The following SLC9D1 variants were observed in gnomAD, a reference collection of about 807,000 sequenced individuals.
The protein encoded by SLC9D1 is solute carrier family 9 member D1.
At chr13:113,521,787 G>T in the SLC9D1 span, among the ~76,000 whole-genome samples, 1 of 152,154 alleles carries the variant, frequency 6.6e-6, no homozygotes, top group African/African-American at 2.4e-5. Context: ...CAGAAAATAA[G>T]GACAGTTGCA....
the SLC9D1 span, among the ~76,000 whole-genome samples, chr13:113,506,906 C>T: frequency 7.2e-5 from 11 of 152,122 alleles, no homozygotes; most frequent in African/African-American, 2.4e-4. Context: ...GGTTTGCACC[C>T]GGTTCTGAAG....
At chr13:113,547,670 C>T in the SLC9D1 span, among the ~76,000 whole-genome samples, 1 of 152,232 alleles carries the variant, frequency 6.6e-6, no homozygotes, top group African/African-American at 2.4e-5. Flanking sequence ...GCCCGTCCTC[C>T]TCTGACAGAT....
At chr13:113,495,935 G>A in the SLC9D1 span, 1 of 1,614,090 alleles carries the variant, frequency 6.2e-7, no homozygotes, top group Non-Finnish European at 8.5e-7. Context: ...ACGGACTGCA[G>A]AGAGCCCTGC....
the SLC9D1 span, chr13:113,499,848 C>G: frequency 3.6e-6 from 2 of 560,084 alleles, no homozygotes; most frequent in Non-Finnish European, 2.9e-6. Flanking sequence ...TAATTCACTG[C>G]TAATGAACAC....
chr13:113,507,952 C>G, the SLC9D1 span, among the ~76,000 whole-genome samples: 2 of 152,252 alleles, frequency 1.3e-5, no homozygotes, highest in Admixed American at 6.5e-5. Flanking sequence ...CCACAGGCAG[C>G]CATCTGGGGG....
the SLC9D1 span, among the ~76,000 whole-genome samples, chr13:113,524,939 C>T: frequency 6.6e-6 from 1 of 152,000 alleles, no homozygotes; most frequent in Non-Finnish European, 1.5e-5. Context: ...TGTCTCGTTA[C>T]TCTTTTTCTT....
the SLC9D1 span, among the ~76,000 whole-genome samples, chr13:113,547,730 GT>G: frequency 6.6e-6 from 1 of 152,182 alleles, no homozygotes; most frequent in Non-Finnish European, 1.5e-5. Flanking sequence ...CTTTCTGTCT[GT>G]CCCCCGTGAC....
At chr13:113,503,922 T>C in the SLC9D1 span, 1 of 203,724 alleles carries the variant, frequency 4.9e-6, no homozygotes, top group Non-Finnish European at 9.9e-6. Context: ...GCATATTCAG[T>C]GTGTTACCCT....
At chr13:113,498,609 T>C in the SLC9D1 span, 3 of 1,067,452 alleles carry the variant, frequency 2.8e-6, no homozygotes, top group Non-Finnish European at 4.0e-6. Flanking sequence ...CGTGTATGTT[T>C]TTAATGTAGA....
chr13:113,538,887 A>G, the SLC9D1 span, among the ~76,000 whole-genome samples: 2 of 152,200 alleles, frequency 1.3e-5, no homozygotes, highest in African/African-American at 2.4e-5. Flanking sequence ...CCTGGGTATC[A>G]GATCAGCCGC....
At chr13:113,516,270 A>C in the SLC9D1 span, among the ~76,000 whole-genome samples, 3 of 152,088 alleles carry the variant, frequency 2.0e-5, no homozygotes, top group Non-Finnish European at 4.4e-5. Context: ...TTTTATTAGA[A>C]ATTCCTATAT....
At chr13:113,491,334 C>G in the SLC9D1 span, 1 of 152,732 alleles carries the variant, frequency 6.5e-6, no homozygotes, top group Admixed American at 6.5e-5. Context: ...TCCCTCCCTC[C>G]CTGGGGCTCC....
chr13:113,526,494 G>A, the SLC9D1 span, among the ~76,000 whole-genome samples: 1 of 152,024 alleles, frequency 6.6e-6, no homozygotes, highest in Non-Finnish European at 1.5e-5. Flanking sequence ...CAAGGCGGGA[G>A]GATTGCTTGA....
At chr13:113,499,588 T>C in the SLC9D1 span, among the ~76,000 whole-genome samples, 1 of 152,186 alleles carries the variant, frequency 6.6e-6, no homozygotes, top group African/African-American at 2.4e-5. Flanking sequence ...TGACTGTGGG[T>C]CTTGAGGACT....
the SLC9D1 span, chr13:113,549,371 G>A: frequency 6.3e-7 from 1 of 1,593,952 alleles, no homozygotes; most frequent in Non-Finnish European, 8.5e-7. Flanking sequence ...CTTTCCTGTT[G>A]CAGGTGCTAG....
At chr13:113,492,621 A>G in the SLC9D1 span, among the ~76,000 whole-genome samples, 2 of 152,202 alleles carry the variant, frequency 1.3e-5, no homozygotes, top group African/African-American at 4.8e-5. Context: ...AGAAATTCTA[A>G]GAATTCATTA....
At chr13:113,515,629 C>T in the SLC9D1 span, among the ~76,000 whole-genome samples, 2 of 152,082 alleles carry the variant, frequency 1.3e-5, no homozygotes, top group African/African-American at 4.8e-5. Flanking sequence ...CGGTGGCTCA[C>T]GCTGGTAATC....
At chr13:113,492,170 C>T in the SLC9D1 span, among the ~76,000 whole-genome samples, 1 of 152,128 alleles carries the variant, frequency 6.6e-6, no homozygotes, top group Non-Finnish European at 1.5e-5. Context: ...GAGACAGGGT[C>T]TTGCTGTGTT....
the SLC9D1 span, chr13:113,534,546 G>A: frequency 2.6e-6 from 1 of 384,668 alleles, no homozygotes; most frequent in East Asian, 4.2e-5. Flanking sequence ...CCTAGCATGT[G>A]GGGAAGCTGA....
Sources: allele counts gnomAD v4.1 joint callset (sites outside exome capture counted in the v4.1 genomes callset), GRCh38; gene constraint gnomAD v4.1.1; transcripts MANE v1.5; gene names NCBI Gene and HGNC (gene_info 2026-07-23, HGNC 2026-07-21).